Variants in APLP2 observed in about 807,000 individuals in gnomAD.
APLP2 encodes the protein CDEI box-binding protein.
APLP2 carries 53 observed loss-of-function variants against 89.9 expected under a neutral mutation model. That is an observed-to-expected ratio of 0.59 (90% CI 0.47 to 0.74). APLP2 has a LOEUF of 0.74. Among genes scored for constraint, APLP2 ranks in the 30% least tolerant of loss-of-function variants. The probability of loss-of-function intolerance (pLI) is 0.00; values close to 1 mark genes in which losing one functional copy is unlikely to be tolerated. For missense variants in APLP2, 973 were observed against 975.9 expected (o/e 1.00, Z 0.04); for synonymous variants, 372 against 348.6 (o/e 1.07, Z -0.75).
chr11:130,091,584 G>GT (rs1945228787), intron 1 of APLP2, among the ~76,000 whole-genome samples: 3 of 141,938 alleles, frequency 2.1e-5, no homozygotes, highest in Non-Finnish European at 4.6e-5. Flanking sequence ...GGCTGGCCGG[G>GT]TGGGGGGGCT....
intron 7 of APLP2, among the ~76,000 whole-genome samples, chr11:130,126,387 C>T (rs1293383189): frequency 6.6e-6 from 1 of 152,126 alleles, no homozygotes; most frequent in Non-Finnish European, 1.5e-5. Context: ...TTCCAGGGTT[C>T]GAGCACTGAA....
chr11:130,095,236 G>T (rs7940583), intron 1 of APLP2, among the ~76,000 whole-genome samples: 2,419 of 152,326 alleles, frequency 0.016, 55 homozygotes, highest in African/African-American at 0.054. Context: ...GCTGGATGTG[G>T]TGTGGCATGT....
At position 130,123,077 on chromosome 11, in the gene APLP2, C is replaced by T. The variant is rs1179708830; in HGVS notation, c.923-535C>T. On this transcript the variant is annotated intron_variant, in intron 6 of 16. Transcript: ENST00000338167. The surrounding 1 kb of genome is among the most constrained non-coding windows in gnomAD (Gnocchi z 4.0). ...CATTAACATGCAGCCTCCTGCTGAT[C>T]GTATATTTGAAACCAATTAAGATGC... is the stretch of plus-strand genomic sequence containing the variant. 6.6e-6 allele frequency among the ~76,000 whole-genome samples: 1 copy of T among 151,862 alleles called. No homozygotes were observed. The highest frequency in any genetic ancestry group is 1.5e-5 in the Non-Finnish European group (1 of 68,018).
Position 130,070,012 on chromosome 11 carries a change from C to G in APLP2, c.35C>G (p.Thr12Arg). ...AATGTAAAAA[T>R]GRLLLLLLVG... ...ACCGGGACCGCGGCCGCCGCAGCCACGGGCAGGCTCCTGCTTCTGCTGCTG... is the reference window on the plus strand; with the variant it reads ...ACCGGGACCGCGGCCGCCGCAGCCAGGGGCAGGCTCCTGCTTCTGCTGCTG... Residue 12 changes from threonine (T) to arginine (R), a missense_variant, in exon 1 of 17, where the codon ACG becomes AGG. Transcript: ENST00000338167. The G allele has an allele frequency of 6.6e-7, 1 of 1,507,896 alleles. No individual in the cohort carries two copies. Among genetic ancestry groups the G allele is most frequent in the Non-Finnish European group, 8.8e-7 (1 of 1,134,076 alleles). The allele number at this position is 1,507,896 out of a possible 1,614,324, so 93.4% of individuals were successfully genotyped here. A position where few individuals can be genotyped will look rare whatever the true frequency, so the allele number is the denominator to read the frequency against.
intron 3 of APLP2, among the ~76,000 whole-genome samples, chr11:130,113,073 G>A (rs1025639035): frequency 2.6e-5 from 4 of 152,090 alleles, no homozygotes; most frequent in Non-Finnish European, 5.9e-5. Flanking sequence ...TGTTGCCATC[G>A]CACTTATCAC....
chr11:130,133,758 T>TA, intron 12 of APLP2, 30 bp downstream of exon 12: 1 of 1,537,644 alleles, frequency 6.5e-7, no homozygotes, highest in African/African-American at 1.4e-5. Context: ...GTCAAGGTCA[T>TA]ACGGGACTTC....
At position 130,116,645 on chromosome 11, in the gene APLP2, T is replaced by C. The variant is rs929932410; in HGVS notation, c.404-4061T>C. On this transcript the variant is annotated intron_variant, in intron 3 of 16. Coordinates refer to ENST00000338167, the MANE Select transcript of APLP2 (RefSeq NM_001142276.2). ...GCCACCACGCCTGGCTCATTTTTAC[T>C]ATTTCTAGTAGAGATGGGGTTTCCC... Among the ~76,000 whole-genome samples, 5 of 152,150 alleles carry C rather than the reference T, an allele frequency of 3.3e-5. 1 individual carries two copies. The highest frequency in any genetic ancestry group is 3.3e-4 in the Admixed American group (5 of 15,302).
At position 130,120,745 on chromosome 11, in the gene APLP2, AGT is replaced by A; in HGVS notation, c.445_446del (p.Cys149ProfsTer12). 1 of 1,613,984 alleles carries A rather than the reference AGT, an allele frequency of 6.2e-7. No homozygotes were observed. Among genetic ancestry groups the A allele is most frequent in the Non-Finnish European group, 8.5e-7 (1 of 1,179,882 alleles). Reference sequence around the variant, plus strand: ...AGTGATGTCCTGCTAGTTCCAGAAAAGTGCCAGTTTTTCCACAAAGAGCGGAT... The same window carrying A: ...AGTGATGTCCTGCTAGTTCCAGAAAAGCCAGTTTTTCCACAAAGAGCGGAT... On this transcript the variant is annotated frameshift_variant, in exon 4 of 17. Coordinates refer to ENST00000338167, the MANE Select transcript of APLP2 (RefSeq NM_001142276.2). LOFTEE classifies it high-confidence loss of function.
chr11:130,092,155 A>C, intron 1 of APLP2, among the ~76,000 whole-genome samples: 1 of 132,120 alleles, frequency 7.6e-6, no homozygotes. Flanking sequence ...CTCACTTCCT[A>C]GATGTGATGG....
chr11:130,094,491 G>C (rs1220300914), intron 1 of APLP2, among the ~76,000 whole-genome samples: 1 of 152,142 alleles, frequency 6.6e-6, no homozygotes, highest in East Asian at 1.9e-4. Flanking sequence ...ACCTGGCCGG[G>C]ATTTACTTCT....
chr11:130,121,905 A>C (rs1448391922), intron 5 of APLP2, 95 bp downstream of exon 5: 3 of 1,520,780 alleles, frequency 2.0e-6, no homozygotes, highest in Non-Finnish European at 2.6e-6. Flanking sequence ...ACTTCTGGAT[A>C]AACTGGGCAT....
At chr11:130,079,560 GTGTGTT>G (rs1942800813) in intron 1 of APLP2, among the ~76,000 whole-genome samples, 1 of 152,062 alleles carries the variant, frequency 6.6e-6, no homozygotes, top group Non-Finnish European at 1.5e-5. Context: ...TTGTTGGTTT[GTGTGTT>G]TGTGAAAAAT....
intron 11 of APLP2, among the ~76,000 whole-genome samples, chr11:130,131,484 G>T (rs1950933058): frequency 1.3e-5 from 2 of 152,130 alleles, no homozygotes; most frequent in African/African-American, 4.8e-5. Flanking sequence ...CTAAAGAGTG[G>T]GAAGAACGTG....
In APLP2 at chr11:130,113,292, AT is replaced by A. The variant is rs557866935; in HGVS notation, c.403+2632del. ...ATTTTATTGCTTTATTTCCCAAATG[AT>A]AGAGTTTAAATTTGTTAGCATGTTA... is the stretch of plus-strand genomic sequence containing the variant. On this transcript the variant is annotated intron_variant, in intron 3 of 16. Coordinates refer to ENST00000338167, the MANE Select transcript of APLP2 (RefSeq NM_001142276.2). Among the ~76,000 whole-genome samples, 576 of 152,340 alleles carry A rather than the reference AT, an allele frequency of 3.8e-3. 8 individuals are homozygous for A. The highest frequency in any genetic ancestry group is 0.013 in the African/African-American group (546 of 41,582).
chr11:130,143,992 C>G lies in APLP2; in HGVS notation c.*544C>G, dbSNP rs774658816. 1 of 152,912 alleles carries G rather than the reference C, an allele frequency of 6.5e-6. No homozygotes were observed. The highest frequency in any genetic ancestry group is 1.5e-5 in the Non-Finnish European group (1 of 68,596). The allele number at this position is 152,912 out of a possible 1,614,324, so 9.5% of individuals were successfully genotyped here. On this transcript the variant is annotated 3_prime_UTR_variant, in exon 17 of 17. Transcript: ENST00000338167. ...GCCACTGAAGCACGTGAGAGACCCT[C>G]GCAAAATGATGTGAAAGGACCAGTT... is the stretch of plus-strand genomic sequence containing the variant.
At chr11:130,092,795 CAAA>C (rs1945605076) in intron 1 of APLP2, among the ~76,000 whole-genome samples, 1 of 151,940 alleles carries the variant, frequency 6.6e-6, no homozygotes, top group Non-Finnish European at 1.5e-5. Flanking sequence ...AATAAACTAA[CAAA>C]GAACAGGAAG....
At chr11:130,116,262 A>G (rs537970626) in intron 3 of APLP2, among the ~76,000 whole-genome samples, 14 of 152,326 alleles carry the variant, frequency 9.2e-5, no homozygotes, top group Non-Finnish European at 1.5e-4. Context: ...TGTTTGTTCA[A>G]TGATTTTAAA....
chr11:130,129,157 G>A lies in APLP2; in HGVS notation c.1406G>A (p.Arg469Gln), dbSNP rs761914771. ...RVEAMLNDRR[R>Q]MALENYLAAL... ...GAAGCTATGCTGAATGACCGCCGTCGGATGGCTCTGGAGAACTACCTGGCT... is the reference window on the plus strand; with the variant it reads ...GAAGCTATGCTGAATGACCGCCGTCAGATGGCTCTGGAGAACTACCTGGCT... Residue 469 changes from arginine (R) to glutamine (Q), a missense_variant, in exon 10 of 17, where the codon CGG (arginine) becomes CAG (glutamine). Physicochemically the swap from Arg to Gln is conservative, Grantham distance 43. Transcript: ENST00000338167. The A allele has an allele frequency of 9.9e-6, 16 of 1,614,164 alleles. No homozygotes were observed. The highest frequency in any genetic ancestry group is 1.7e-4 in the Middle Eastern group (1 of 6,054).
Position 130,109,621 on chromosome 11 carries a change from AGTTGAAAGT to A in APLP2, c.279+23_279+31del. 4 of 1,596,752 alleles carry A rather than the reference AGTTGAAAGT, an allele frequency of 2.5e-6. No homozygotes were observed. The highest frequency in any genetic ancestry group is 3.4e-6 in the Non-Finnish European group (4 of 1,173,296). On this transcript the variant is annotated intron_variant, in intron 2 of 16. Transcript: ENST00000338167. Reference sequence around the variant, plus strand: ...TCAGGAGGTAAGAGTGTTGCCAGTAAGTTGAAAGTGTTATTTTTCTGGGGCAGGGTTGAA... The same window carrying A: ...TCAGGAGGTAAGAGTGTTGCCAGTAAGTTATTTTTCTGGGGCAGGGTTGAA...
Sources: gnomAD v4.1 joint callset for allele counts (sites outside exome capture counted in the v4.1 genomes callset) on GRCh38, gnomAD v4.1.1 for gene constraint, Gnocchi (gnomAD v3.1) non-coding constraint, MANE v1.5 for transcripts, NCBI Gene and HGNC (gene_info 2026-07-23, HGNC 2026-07-21) for gene names.